Variants in SLC2A5 observed in about 807,000 individuals in gnomAD.
SLC2A5 encodes the protein solute carrier family 2 member 5.
SLC2A5 carries 56 observed loss-of-function variants against 50.3 expected under a neutral mutation model. That is an observed-to-expected ratio of 1.11 (90% CI 0.90 to 1.39). The LOEUF (loss-of-function observed/expected upper bound fraction) is 1.39. Among genes scored for constraint, SLC2A5 ranks in the 40% most tolerant of loss-of-function variants. The probability of loss-of-function intolerance (pLI) is 0.00; values close to 1 mark genes in which losing one functional copy is unlikely to be tolerated. For missense variants in SLC2A5, 566 were observed against 650.1 expected (o/e 0.87, Z 1.41); for synonymous variants, 269 against 281.9 (o/e 0.95, Z 0.46).
At chr1:9,069,883 C>T (rs191742933), upstream of SLC2A5, 221 of 222,542 alleles carry the variant, frequency 9.9e-4, 1 homozygote, top group African/African-American at 4.1e-3. Flanking sequence ...CTGTCAGGAA[C>T]GCATGGCAAA....
At chr1:9,060,064 T>TACACACACTACAC (rs1290525137) in intron 1 of SLC2A5, among the ~76,000 whole-genome samples, 1 of 82,606 alleles carries the variant, frequency 1.2e-5, no homozygotes, top group African/African-American at 4.8e-5. Flanking sequence ...ACACACACAA[T>TACACACACTACAC]ACACACACTA....
At chr1:9,092,261 C>T (rs973250104), upstream of SLC2A5, among the ~76,000 whole-genome samples, 4 of 152,168 alleles carry the variant, frequency 2.6e-5, no homozygotes, top group Admixed American at 6.6e-5. Flanking sequence ...ACACCAAACA[C>T]AACAACTAAC....
chr1:9,074,181 G>A (rs1642256402), upstream of SLC2A5, among the ~76,000 whole-genome samples: 2 of 152,140 alleles, frequency 1.3e-5, no homozygotes, highest in African/African-American at 2.4e-5. Flanking sequence ...GTGGAGCGGA[G>A]GGGGGCAAGC....
intron 1 of SLC2A5, among the ~76,000 whole-genome samples, chr1:9,087,244 G>A (rs1262795956): frequency 4.1e-5 from 6 of 145,800 alleles, no homozygotes; most frequent in Admixed American, 6.9e-5. Context: ...TTGCTCTGTC[G>A]CCCAGGCTGG....
intron 4 of SLC2A5, among the ~76,000 whole-genome samples, chr1:9,043,257 T>C (rs1244539502): frequency 6.6e-6 from 1 of 152,130 alleles, no homozygotes; most frequent in African/African-American, 2.4e-5. Flanking sequence ...TGGCGGGGTA[T>C]TTGATAGAAC....
upstream of SLC2A5, among the ~76,000 whole-genome samples, chr1:9,092,959 C>G (rs780898092): frequency 6.6e-6 from 1 of 152,252 alleles, no homozygotes; most frequent in East Asian, 1.9e-4. Flanking sequence ...TTGGGCGCTC[C>G]CACGTAAGCC....
chr1:9,069,064 G>T (rs1459923399), intron 1 of SLC2A5, among the ~76,000 whole-genome samples: 1 of 152,146 alleles, frequency 6.6e-6, no homozygotes, highest in Non-Finnish European at 1.5e-5. Context: ...TTCAAATCAA[G>T]CAACGCCTTT....
intron 3 of SLC2A5, among the ~76,000 whole-genome samples, chr1:9,054,050 T>C (rs1409807552): frequency 6.6e-6 from 1 of 151,966 alleles, no homozygotes; most frequent in Non-Finnish European, 1.5e-5. Flanking sequence ...AGAGAATTAA[T>C]GAATAGGAAG....
At chr1:9,038,807 G>T in intron 9 of SLC2A5, 21 bp downstream of exon 9, 1 of 1,564,054 alleles carries the variant, frequency 6.4e-7, no homozygotes, top group East Asian at 2.3e-5. Flanking sequence ...CCGGGCTCCT[G>T]GGACCCTGGC....
At chr1:9,081,557 G>C in intron 2 of SLC2A5, among the ~76,000 whole-genome samples, 1 of 149,540 alleles carries the variant, frequency 6.7e-6, no homozygotes, top group East Asian at 2.0e-4. Context: ...CTGGTATCCA[G>C]AATATATAAA....
chr1:9,064,834 C>T (rs1425109490), intron 1 of SLC2A5, among the ~76,000 whole-genome samples: 1 of 152,078 alleles, frequency 6.6e-6, no homozygotes, highest in Non-Finnish European at 1.5e-5. Context: ...GTGGGCAGAT[C>T]ACGAGGTCAG....
chr1:9,091,214 A>G (rs548449914), upstream of SLC2A5, among the ~76,000 whole-genome samples: 1 of 152,308 alleles, frequency 6.6e-6, no homozygotes, highest in African/African-American at 2.4e-5. Flanking sequence ...CAGACCTTCT[A>G]TCATGCTTTC....
intron 4 of SLC2A5, among the ~76,000 whole-genome samples, chr1:9,042,623 ATATG>A (rs1469373248): frequency 7.1e-6 from 1 of 141,324 alleles, no homozygotes; most frequent in Non-Finnish European, 1.5e-5. Flanking sequence ...ATGTGTATAT[ATATG>A]TGTGTGTGTG....
At chr1:9,058,520 A>T (rs1438770278) in intron 1 of SLC2A5, among the ~76,000 whole-genome samples, 1 of 152,190 alleles carries the variant, frequency 6.6e-6, no homozygotes, top group Non-Finnish European at 1.5e-5. Flanking sequence ...TGGTGCCAGT[A>T]GCACCCCTCT....
chr1:9,049,475 G>A (rs1306223017), intron 3 of SLC2A5, among the ~76,000 whole-genome samples: 2 of 152,122 alleles, frequency 1.3e-5, no homozygotes, highest in East Asian at 3.9e-4. Context: ...TGTAATCCCA[G>A]CACTTTGAGA....
chr1:9,056,241 G>T (rs569036288), intron 3 of SLC2A5, among the ~76,000 whole-genome samples: 1 of 152,182 alleles, frequency 6.6e-6, no homozygotes, highest in African/African-American at 2.4e-5. Context: ...GCTGGAGTGC[G>T]ATGGTGCGAT....
At chr1:9,039,053 C>T in intron 8 of SLC2A5, 124 bp from the exon 9 acceptor site, 1 of 1,132,568 alleles carries the variant, frequency 8.8e-7, no homozygotes, top group Non-Finnish European at 1.2e-6. Flanking sequence ...CACGCACACT[C>T]ACATTCACAT....
At chr1:9,059,136 C>CTTTTTTT (rs869052429) in intron 1 of SLC2A5, among the ~76,000 whole-genome samples, 4 of 53,922 alleles carry the variant, frequency 7.4e-5, no homozygotes, top group African/African-American at 1.5e-4. Context: ...GCCTTTCTTT[C>CTTTTTTT]TTTTTTTTTT....
At chr1:9,038,605 G>T in intron 9 of SLC2A5, 99 bp from the exon 10 acceptor site, 2 of 1,253,516 alleles carry the variant, frequency 1.6e-6, no homozygotes, top group Non-Finnish European at 2.3e-6. Context: ...ATGGCACCTG[G>T]CTCCTCCCCC....
Sources: gnomAD v4.1 joint callset for allele counts (sites outside exome capture counted in the v4.1 genomes callset) on GRCh38, gnomAD v4.1.1 for gene constraint, MANE v1.5 for transcripts, NCBI Gene and HGNC (gene_info 2026-07-23, HGNC 2026-07-21) for gene names.